The following RNF111 variants were observed in gnomAD, a reference collection of about 807,000 sequenced individuals.
RNF111 encodes E3 ubiquitin-protein ligase Arkadia.
In RNF111, 17 loss-of-function variants were observed where a neutral mutation model predicts 95.1. That is an observed-to-expected ratio of 0.18 (90% CI 0.12 to 0.27). The LOEUF (loss-of-function observed/expected upper bound fraction) is 0.27, where lower values mean the gene tolerates loss of function less well. RNF111 is among the 10% of genes least tolerant of loss of function. The probability of loss-of-function intolerance (pLI) is 1.00; values close to 1 mark genes in which losing one functional copy is unlikely to be tolerated. For synonymous variants in RNF111, 440 were observed against 414.8 expected (o/e 1.06, Z -0.74); for missense variants, 1,189 against 1,210.4 (o/e 0.98, Z 0.26).
chr15:59,094,173 A>G (rs144922501), intron 13 of RNF111, among the ~76,000 whole-genome samples: 1 of 152,310 alleles, frequency 6.6e-6, no homozygotes, highest in Admixed American at 6.5e-5. Context: ...CAGTAGCACA[A>G]TATTAAGTGT....
intron 1 of RNF111, among the ~76,000 whole-genome samples, chr15:59,002,175 T>G (rs2039352096): frequency 6.6e-6 from 1 of 152,222 alleles, no homozygotes; most frequent in Admixed American, 6.5e-5. Context: ...TAAATTGTGG[T>G]TAAGGGGAGA....
chr15:59,084,804 A>G (rs1393517797), intron 9 of RNF111, among the ~76,000 whole-genome samples: 3 of 151,884 alleles, frequency 2.0e-5, no homozygotes, highest in African/African-American at 7.3e-5. Context: ...TCTGGTAAAC[A>G]ACATGCTACT....
At chr15:59,026,093 T>A (rs1471321167) in intron 1 of RNF111, among the ~76,000 whole-genome samples, 6 of 152,076 alleles carry the variant, frequency 3.9e-5, no homozygotes. Context: ...ATTACATTTT[T>A]ATTTAAAGTT....
At chr15:59,085,872 T>C (rs1287593536) in intron 10 of RNF111, 87 bp downstream of exon 10, 4 of 1,085,284 alleles carry the variant, frequency 3.7e-6, no homozygotes, top group Non-Finnish European at 3.9e-6. Context: ...TATATTAATA[T>C]AGATGTTTTA....
intron 1 of RNF111, among the ~76,000 whole-genome samples, chr15:59,008,025 T>A (rs2039619757): frequency 2.0e-5 from 3 of 152,174 alleles, no homozygotes; most frequent in African/African-American, 7.2e-5. Flanking sequence ...AGCTTACTAA[T>A]TTTTTTAAGA....
chr15:59,034,844 T>A (rs149615001), intron 2 of RNF111, among the ~76,000 whole-genome samples: 1 of 152,238 alleles, frequency 6.6e-6, no homozygotes, highest in Admixed American at 6.5e-5. Context: ...CATGTTAATA[T>A]GATTTGTATG....
At chr15:59,081,398 T>C (rs2078739499) in intron 8 of RNF111, 114 bp downstream of exon 8, 6 of 863,044 alleles carry the variant, frequency 7.0e-6, no homozygotes, top group Non-Finnish European at 1.1e-5. Context: ...TAGTCACAGC[T>C]CCTTGGGAGG....
chr15:59,009,470 T>C (rs894151118), intron 1 of RNF111, among the ~76,000 whole-genome samples: 7 of 150,774 alleles, frequency 4.6e-5, no homozygotes, highest in African/African-American at 1.5e-4. Context: ...ATATCAAATA[T>C]CAAAGTTTTC....
At chr15:59,032,194 C>G (rs546961866) in intron 2 of RNF111, among the ~76,000 whole-genome samples, 1 of 152,280 alleles carries the variant, frequency 6.6e-6, no homozygotes, top group South Asian at 2.1e-4. Flanking sequence ...CCACCTCAGC[C>G]TCCCAAAGTG....
chr15:59,035,664 T>C (rs1424585323), intron 2 of RNF111, among the ~76,000 whole-genome samples: 1 of 152,228 alleles, frequency 6.6e-6, no homozygotes, highest in Non-Finnish European at 1.5e-5. Context: ...GCATATACCC[T>C]AAATCATCTC....
At chr15:59,014,843 C>A (rs1225721619) in intron 1 of RNF111, among the ~76,000 whole-genome samples, 1 of 151,734 alleles carries the variant, frequency 6.6e-6, no homozygotes, top group Non-Finnish European at 1.5e-5. Flanking sequence ...GCAGTCCTTA[C>A]CTCCTGGGCT....
At chr15:59,042,014 T>C (rs141083598) in intron 2 of RNF111, among the ~76,000 whole-genome samples, 214 of 151,792 alleles carry the variant, frequency 1.4e-3, no homozygotes, top group African/African-American at 5.1e-3. Flanking sequence ...GTCTTCATTC[T>C]TCTATCCATT....
intron 8 of RNF111, among the ~76,000 whole-genome samples, 199 bp downstream of exon 8, chr15:59,081,483 G>T (rs2078742014): frequency 6.6e-6 from 1 of 150,950 alleles, no homozygotes; most frequent in Non-Finnish European, 1.5e-5. Context: ...GTTTTTTGTT[G>T]TTGTTGTTTT....
At chr15:58,991,126 T>C (rs998661031) in intron 1 of RNF111, among the ~76,000 whole-genome samples, 11 of 151,576 alleles carry the variant, frequency 7.3e-5, no homozygotes, top group Admixed American at 7.2e-4. Flanking sequence ...ACCCCGTCTG[T>C]ACTAAAAAAA....
intron 2 of RNF111, among the ~76,000 whole-genome samples, chr15:59,038,305 TTATC>T (rs2059549653): frequency 1.3e-5 from 2 of 152,168 alleles, no homozygotes; most frequent in African/African-American, 4.8e-5. Context: ...CTTTAAAAAA[TTATC>T]TAATAGCTGT....
At chr15:59,058,109 AT>A (rs1210762220) in intron 4 of RNF111, among the ~76,000 whole-genome samples, 2 of 152,236 alleles carry the variant, frequency 1.3e-5, no homozygotes, top group Non-Finnish European at 2.9e-5. Context: ...AAACTGTTAA[AT>A]CACCTAAATT....
At chr15:59,064,412 T>G (rs1215837613) in intron 5 of RNF111, among the ~76,000 whole-genome samples, 2 of 151,560 alleles carry the variant, frequency 1.3e-5, no homozygotes, top group Non-Finnish European at 2.9e-5. Flanking sequence ...GGCGGGCGCC[T>G]GTAGTCCCAG....
At chr15:58,995,045 C>G (rs1315768777) in intron 1 of RNF111, among the ~76,000 whole-genome samples, 3 of 152,272 alleles carry the variant, frequency 2.0e-5, no homozygotes, top group Middle Eastern at 3.4e-3. Flanking sequence ...GTTGTCATAT[C>G]TCTTTAGTCT....
chr15:58,989,173 A>G (rs1192776830), intron 1 of RNF111, among the ~76,000 whole-genome samples: 2 of 152,196 alleles, frequency 1.3e-5, no homozygotes, highest in South Asian at 4.1e-4. Flanking sequence ...ATAGTTTATT[A>G]CTATATGTAT....
Sources: gnomAD v4.1 joint callset for allele counts (sites outside exome capture counted in the v4.1 genomes callset) on GRCh38, gnomAD v4.1.1 for gene constraint, MANE v1.5 for transcripts, NCBI Gene and HGNC (gene_info 2026-07-23, HGNC 2026-07-21) for gene names.